The following SNCAIP variants were observed in gnomAD, a reference collection of about 807,000 sequenced individuals.
The protein encoded by SNCAIP is synphilin-1.
A neutral mutation model predicts 86.7 loss-of-function variants in SNCAIP; 43 were observed. The ratio of observed to expected loss-of-function variants is 0.50; its 90% confidence interval spans 0.39 to 0.64. The LOEUF is 0.64. SNCAIP is among the 30% of genes least tolerant of loss of function. SNCAIP has a pLI of 0.00. For missense variants in SNCAIP, 981 were observed against 1,103.1 expected (o/e 0.89, Z 1.57); for synonymous variants, 417 against 427.2 (o/e 0.98, Z 0.29).
At chr5:122,330,933 T>C (rs1040125764) in intron 1 of SNCAIP, among the ~76,000 whole-genome samples, 10 of 149,370 alleles carry the variant, frequency 6.7e-5, no homozygotes, top group African/African-American at 2.2e-4. Flanking sequence ...TGTGGAGGGG[T>C]TGATGGGAGA....
Position 122,448,076 on chromosome 5 carries a change from T to A in SNCAIP, c.1593-1769T>A, listed in dbSNP as rs77997141. 2.2e-3 allele frequency among the ~76,000 whole-genome samples: 338 copies of A among 152,280 alleles called. 3 individuals are homozygous for A. The highest frequency in any genetic ancestry group is 7.7e-3 in the African/African-American group (321 of 41,546). ...AGCTTATAGAAGAGTATTAGCAGGA[T>A]CCGATCTCACATAATTAGATTTAGC... On this transcript the variant is annotated intron_variant, in intron 8 of 10. Coordinates refer to ENST00000261368, the MANE Select transcript of SNCAIP (RefSeq NM_005460.4).
intron 1 of SNCAIP, among the ~76,000 whole-genome samples, chr5:122,336,257 G>C (rs899271414): frequency 1.3e-5 from 2 of 152,056 alleles, no homozygotes; most frequent in Admixed American, 1.3e-4. Context: ...ACTGTATTAC[G>C]ACCATAAAAT....
intron 5 of SNCAIP, among the ~76,000 whole-genome samples, chr5:122,427,122 T>C (rs1377163186): frequency 6.6e-6 from 1 of 152,210 alleles, no homozygotes; most frequent in African/African-American, 2.4e-5. Context: ...ACAGTTCTCA[T>C]TAGTCTTCCT....
At chr5:122,316,849 C>T (rs1751842226) in intron 1 of SNCAIP, among the ~76,000 whole-genome samples, 1 of 152,158 alleles carries the variant, frequency 6.6e-6, no homozygotes, top group South Asian at 2.1e-4. Flanking sequence ...AGCTGCTGGG[C>T]CAGACAGAAA....
At chr5:122,369,306 A>C (rs1043555227) in intron 1 of SNCAIP, among the ~76,000 whole-genome samples, 1 of 152,200 alleles carries the variant, frequency 6.6e-6, no homozygotes, top group African/African-American at 2.4e-5. Context: ...CTCTGACCCA[A>C]TGTCGCATAA....
intron 10 of SNCAIP, 182 bp downstream of exon 10, chr5:122,451,783 C>G (rs1225576485): frequency 1.7e-6 from 1 of 579,396 alleles, no homozygotes; most frequent in Non-Finnish European, 3.1e-6. Context: ...ATACATACCC[C>G]TTGCTCTTCT....
chr5:122,440,936 T>C, intron 7 of SNCAIP, 182 bp downstream of exon 7: 1 of 635,956 alleles, frequency 1.6e-6, no homozygotes, highest in African/African-American at 1.8e-5. Flanking sequence ...TAGGCATAAA[T>C]ATCCATAAGA....
At chr5:122,403,044 A>G (rs1581021815) in intron 2 of SNCAIP, among the ~76,000 whole-genome samples, 1 of 152,150 alleles carries the variant, frequency 6.6e-6, no homozygotes, top group South Asian at 2.1e-4. Flanking sequence ...TGTCCTCATA[A>G]ATCATAGCTA....
At chr5:122,329,842 A>G (rs1434785420) in intron 1 of SNCAIP, among the ~76,000 whole-genome samples, 1 of 152,194 alleles carries the variant, frequency 6.6e-6, no homozygotes, top group Non-Finnish European at 1.5e-5. Flanking sequence ...TCTCATCAAA[A>G]TGGAACTTCA....
intron 1 of SNCAIP, among the ~76,000 whole-genome samples, chr5:122,382,527 C>T (rs934258666): frequency 6.6e-6 from 1 of 152,210 alleles, no homozygotes; most frequent in Non-Finnish European, 1.5e-5. Flanking sequence ...TCGTCTGAAG[C>T]CTTCTTCTCT....
At chr5:122,378,110 G>A (rs1765773456) in intron 1 of SNCAIP, among the ~76,000 whole-genome samples, 1 of 147,846 alleles carries the variant, frequency 6.8e-6, no homozygotes, top group East Asian at 2.0e-4. Context: ...CTGAGGAATA[G>A]CCACACTGAC....
intron 1 of SNCAIP, among the ~76,000 whole-genome samples, chr5:122,317,316 T>C (rs1751962544): frequency 6.6e-6 from 1 of 152,228 alleles, no homozygotes; most frequent in South Asian, 2.1e-4. Context: ...GGGCATATAC[T>C]GGCTACTGTA....
At chr5:122,434,999 C>T (rs528458825) in intron 6 of SNCAIP, among the ~76,000 whole-genome samples, 20 of 152,082 alleles carry the variant, frequency 1.3e-4, no homozygotes, top group African/African-American at 4.6e-4. Flanking sequence ...AGAATGGGCT[C>T]CACGTGACTC....
chr5:122,347,730 A>T (rs985143084), intron 1 of SNCAIP, among the ~76,000 whole-genome samples: 1 of 152,096 alleles, frequency 6.6e-6, no homozygotes, highest in African/African-American at 2.4e-5. Flanking sequence ...GGTATAATGG[A>T]CACCTTATTC....
intron 5 of SNCAIP, among the ~76,000 whole-genome samples, chr5:122,429,608 G>A (rs563003941): frequency 4.1e-5 from 6 of 146,402 alleles, no homozygotes; most frequent in East Asian, 2.1e-4. Flanking sequence ...TTCTTTTAGC[G>A]GGAATGAAGC....
chr5:122,457,591 C>T (rs551623783), intron 10 of SNCAIP, among the ~76,000 whole-genome samples: 2 of 152,220 alleles, frequency 1.3e-5, no homozygotes, highest in Admixed American at 6.5e-5. Flanking sequence ...CACCCAACCC[C>T]GCCAACTCTT....
intron 10 of SNCAIP, among the ~76,000 whole-genome samples, chr5:122,455,615 G>A (rs1246804205): frequency 6.6e-6 from 1 of 152,256 alleles, no homozygotes; most frequent in African/African-American, 2.4e-5. Flanking sequence ...AGAGTGAGGC[G>A]ATGGATCCCG....
chr5:122,430,588 C>G (rs1778212266), intron 5 of SNCAIP, among the ~76,000 whole-genome samples: 3 of 152,098 alleles, frequency 2.0e-5, no homozygotes, highest in African/African-American at 4.8e-5. Context: ...GGGTTTTAAT[C>G]ACGAGGAGAT....
At chr5:122,448,003 A>G (rs1321628666) in intron 8 of SNCAIP, among the ~76,000 whole-genome samples, 1 of 152,220 alleles carries the variant, frequency 6.6e-6, no homozygotes, top group Non-Finnish European at 1.5e-5. Flanking sequence ...TTAGTGATGA[A>G]ATGTTTGGAC....
Sources: gnomAD v4.1 joint callset for allele counts (sites outside exome capture counted in the v4.1 genomes callset) on GRCh38, gnomAD v4.1.1 for gene constraint, MANE v1.5 for transcripts, NCBI Gene and HGNC (gene_info 2026-07-23, HGNC 2026-07-21) for gene names.